Variants in FOCAD observed in about 807,000 individuals in gnomAD.
FOCAD encodes focadhesin.
In FOCAD, 198 loss-of-function variants were observed where a neutral mutation model predicts 225.6. That is an observed-to-expected ratio of 0.88 (90% CI 0.78 to 0.99). The LOEUF (loss-of-function observed/expected upper bound fraction) is 0.99, where lower values mean the gene tolerates loss of function less well. FOCAD is among the 50% of genes least tolerant of loss of function. FOCAD has a pLI of 0.00. For missense variants in FOCAD, 2,713 were observed against 2,123.6 expected (o/e 1.28, Z -5.46); for synonymous variants, 897 against 755.0 (o/e 1.19, Z -3.08).
intron 21 of FOCAD, among the ~76,000 whole-genome samples, chr9:20,890,746 T>C (rs1445863470): frequency 6.6e-6 from 1 of 152,198 alleles, no homozygotes; most frequent in Non-Finnish European, 1.5e-5. Context: ...AGAATTGTTA[T>C]TAATTTTTCC....
chr9:20,851,876 A>G (rs1188073086), intron 15 of FOCAD, among the ~76,000 whole-genome samples: 1 of 151,816 alleles, frequency 6.6e-6, no homozygotes, highest in Non-Finnish European at 1.5e-5. Flanking sequence ...GAGCACAACC[A>G]TGCTCATTTG....
intron 6 of FOCAD, among the ~76,000 whole-genome samples, chr9:20,759,032 A>G (rs1229929073): frequency 6.6e-6 from 1 of 152,164 alleles, no homozygotes; most frequent in Non-Finnish European, 1.5e-5. Flanking sequence ...TTCAAAGAGA[A>G]TAAAATACCT....
chr9:20,885,350 G>C (rs1043857090), intron 21 of FOCAD, 120 bp downstream of exon 21: 2 of 1,060,264 alleles, frequency 1.9e-6, no homozygotes, highest in Non-Finnish European at 2.5e-6. Flanking sequence ...GCTTTTAAAG[G>C]CCACCAAAAT....
chr9:20,713,052 C>A (rs940896927), intron 1 of FOCAD, among the ~76,000 whole-genome samples: 1 of 152,096 alleles, frequency 6.6e-6, no homozygotes, highest in Non-Finnish European at 1.5e-5. Context: ...GTGCTCTTAT[C>A]CAATCCATTA....
chr9:20,810,906 C>T (rs1025882475), intron 11 of FOCAD, among the ~76,000 whole-genome samples: 2 of 151,900 alleles, frequency 1.3e-5, no homozygotes, highest in African/African-American at 4.8e-5. Flanking sequence ...TATTGCTGAC[C>T]TTATTTTCTA....
At chr9:20,674,967 C>G (rs369756695) in intron 2 of FOCAD, among the ~76,000 whole-genome samples, 1 of 152,250 alleles carries the variant, frequency 6.6e-6, no homozygotes, top group African/African-American at 2.4e-5. Flanking sequence ...CAGAACTATA[C>G]CTATGGAAGC....
chr9:20,954,857 G>A (rs1837992074), intron 35 of FOCAD, among the ~76,000 whole-genome samples: 1 of 152,290 alleles, frequency 6.6e-6, no homozygotes, highest in South Asian at 2.1e-4. Flanking sequence ...AGAGGAGTGG[G>A]GGCCGTGGGA....
intron 2 of FOCAD, among the ~76,000 whole-genome samples, chr9:20,668,982 A>G (rs1821978672): frequency 6.6e-6 from 1 of 152,176 alleles, no homozygotes; most frequent in African/African-American, 2.4e-5. Flanking sequence ...AAAGGACTGC[A>G]TCAAAGGTGA....
chr9:20,990,630 T>A (rs1240503281), intron 42 of FOCAD, among the ~76,000 whole-genome samples: 1 of 152,162 alleles, frequency 6.6e-6, no homozygotes, highest in Non-Finnish European at 1.5e-5. Flanking sequence ...ATACTTCATT[T>A]ATTGAAGGCA....
intron 11 of FOCAD, among the ~76,000 whole-genome samples, chr9:20,811,149 G>A (rs1823022894): frequency 6.6e-6 from 1 of 152,036 alleles, no homozygotes; most frequent in African/African-American, 2.4e-5. Context: ...AAGGAAATTA[G>A]ACATAATTTA....
intron 10 of FOCAD, among the ~76,000 whole-genome samples, chr9:20,782,140 C>CT (rs1304149234): frequency 2.0e-5 from 3 of 152,038 alleles, no homozygotes; most frequent in African/African-American, 7.2e-5. Context: ...GCTATATGAT[C>CT]TTTTTTTTCT....
intron 24 of FOCAD, among the ~76,000 whole-genome samples, chr9:20,918,288 C>T (rs930631037): frequency 2.6e-5 from 4 of 152,226 alleles, no homozygotes; most frequent in African/African-American, 4.8e-5. Flanking sequence ...GTAGATATTG[C>T]AATTTTCCAT....
intron 21 of FOCAD, among the ~76,000 whole-genome samples, chr9:20,894,471 T>TTTGGAAAG (rs1359742665): frequency 2.0e-5 from 3 of 152,128 alleles, no homozygotes; most frequent in African/African-American, 4.8e-5. Context: ...CCAAAGTGGC[T>TTTGGAAAG]ATACCATTTC....
rs751295588 is a variant in FOCAD at position 20,946,744 on chromosome 9, G to T, written c.3599G>T (p.Ser1200Ile). The change falls in exon 30 of 44, where the codon AGT (serine) becomes ATT (isoleucine). Residue 1200 changes from serine (S) to isoleucine (I), a missense_variant. Physicochemically the swap from Ser to Ile is moderately radical, Grantham distance 142 (BLOSUM62 -2). Transcript: ENST00000338382. ...TLSCVCTSAF[S>I]AGIIEATEAE... is the part of the protein sequence containing the mutation. ...AGCTGTGTATGTACATCAGCGTTCA[G>T]TGCTGGAATTATTGAGGCTACAGAG... The T allele has an allele frequency of 6.2e-7, 1 of 1,613,824 alleles. No individual in the cohort carries two copies. The highest frequency in any genetic ancestry group is 1.3e-5 in the African/African-American group (1 of 74,986).
chr9:20,859,478 G>A (rs1228136026), intron 15 of FOCAD, among the ~76,000 whole-genome samples: 2 of 150,336 alleles, frequency 1.3e-5, no homozygotes, highest in Non-Finnish European at 3.0e-5. Flanking sequence ...TTGTTGTTTT[G>A]TCTTTGGTGT....
chr9:20,932,323 C>G (rs949853521), intron 27 of FOCAD, among the ~76,000 whole-genome samples: 14 of 152,168 alleles, frequency 9.2e-5, no homozygotes, highest in African/African-American at 3.1e-4. Context: ...TTACCATGAT[C>G]TGAAGTAGCA....
intron 35 of FOCAD, among the ~76,000 whole-genome samples, chr9:20,962,417 C>CATACATACATACATACAT (rs1554743599): frequency 2.0e-5 from 3 of 149,086 alleles, no homozygotes; most frequent in Non-Finnish European, 4.4e-5. Context: ...TATACACACA[C>CATACATACATACATACAT]ACATACATAC....
intron 11 of FOCAD, among the ~76,000 whole-genome samples, chr9:20,811,113 C>A (rs746871422): frequency 1.3e-5 from 2 of 151,892 alleles, no homozygotes; most frequent in Non-Finnish European, 2.9e-5. Flanking sequence ...TTATAAGATC[C>A]ATTTGCTTAT....
chr9:20,774,609 A>G (rs1287056339), intron 8 of FOCAD, among the ~76,000 whole-genome samples: 2 of 152,222 alleles, frequency 1.3e-5, no homozygotes, highest in African/African-American at 4.8e-5. Context: ...GAATTTAAAC[A>G]TATTTGATGC....
Sources: allele counts gnomAD v4.1 joint callset (sites outside exome capture counted in the v4.1 genomes callset), GRCh38; gene constraint gnomAD v4.1.1; transcripts MANE v1.5; gene names NCBI Gene and HGNC (gene_info 2026-07-23, HGNC 2026-07-21).